ACTR3C: variants seen among roughly 807,000 people sequenced by gnomAD.
ACTR3C encodes actin-related protein 3C.
Under a neutral mutation model 26.3 loss-of-function variants are expected in ACTR3C, and 18 were observed. The observed-to-expected ratio is 0.68, with a 90% CI of 0.47 to 1.01. ACTR3C has a LOEUF of 1.01. ACTR3C is among the 50% of genes least tolerant of loss of function. The probability of loss-of-function intolerance (pLI) is 0.00; values close to 1 mark genes in which losing one functional copy is unlikely to be tolerated. For synonymous variants in ACTR3C, 55 were observed against 94.5 expected (o/e 0.58, Z 2.42); for missense variants, 184 against 250.7 (o/e 0.73, Z 1.80).
the ACTR3C span, among the ~76,000 whole-genome samples, chr7:150,103,768 G>T: frequency 6.6e-6 from 1 of 152,022 alleles, no homozygotes; most frequent in South Asian, 2.1e-4. Flanking sequence ...CATGATGCGG[G>T]TAACTCCAAA....
At chr7:150,132,003 G>A in the ACTR3C span, among the ~76,000 whole-genome samples, 1 of 152,200 alleles carries the variant, frequency 6.6e-6, no homozygotes, top group Admixed American at 6.5e-5. Context: ...ATAGTTGCGG[G>A]GAATGATAGT....
At chr7:150,142,631 C>G in the ACTR3C span, among the ~76,000 whole-genome samples, 10 of 143,676 alleles carry the variant, frequency 7.0e-5, no homozygotes, top group African/African-American at 2.3e-4. Context: ...CGGGTTCAAG[C>G]GATTCTCCTG....
chr7:149,883,957 C>G, the ACTR3C span, among the ~76,000 whole-genome samples: 1 of 151,220 alleles, frequency 6.6e-6, no homozygotes, highest in African/African-American at 2.4e-5. Context: ...CTAGCACATT[C>G]CATTCTGTAA....
chr7:150,092,089 G>T, the ACTR3C span, among the ~76,000 whole-genome samples: 2 of 145,058 alleles, frequency 1.4e-5, no homozygotes, highest in African/African-American at 5.1e-5. Flanking sequence ...TCTGCTGTGA[G>T]CTTTTCAGAG....
the ACTR3C span, chr7:150,005,099 ATAAT>A: frequency 6.6e-6 from 1 of 152,254 alleles, no homozygotes; most frequent in African/African-American, 2.4e-5. Flanking sequence ...AAGAGAGAAA[ATAAT>A]AAAGTAAATG....
chr7:150,039,127 T>G, the ACTR3C span, among the ~76,000 whole-genome samples: 40 of 149,420 alleles, frequency 2.7e-4, no homozygotes, highest in Admixed American at 1.1e-3. Flanking sequence ...GATCTTAGGA[T>G]CAACGATCGG....
chr7:149,907,102 T>C, the ACTR3C span, among the ~76,000 whole-genome samples: 8 of 15,466 alleles, frequency 5.2e-4, no homozygotes, highest in African/African-American at 2.2e-3. Flanking sequence ...GAGAGAAGCC[T>C]CAAAAACAGT....
At chr7:150,270,647 C>A (rs1184567048) in intron 6 of ACTR3C, among the ~76,000 whole-genome samples, 1 of 152,186 alleles carries the variant, frequency 6.6e-6, no homozygotes, top group Middle Eastern at 3.2e-3. Flanking sequence ...CTCAGCACAG[C>A]ACTCTAACCA....
intron 6 of ACTR3C, among the ~76,000 whole-genome samples, chr7:150,267,916 T>A (rs1834164970): frequency 6.6e-6 from 1 of 152,214 alleles, no homozygotes; most frequent in South Asian, 2.1e-4. Flanking sequence ...TCACGTTAAG[T>A]ATGTAAACTT....
At chr7:150,054,116 C>G in the ACTR3C span, among the ~76,000 whole-genome samples, 1 of 152,214 alleles carries the variant, frequency 6.6e-6, no homozygotes, top group South Asian at 2.1e-4. Flanking sequence ...GTGGGACAGT[C>G]TGAGTAGCAG....
chr7:150,264,672 C>T (rs1411592739), intron 6 of ACTR3C: 1 of 960,532 alleles, frequency 1.0e-6, no homozygotes, highest in Non-Finnish European at 1.2e-6. Flanking sequence ...TTAAGACACT[C>T]ACAGTTGCAG....
At chr7:150,254,195 A>G (rs1833046402) in intron 6 of ACTR3C, among the ~76,000 whole-genome samples, 1 of 152,074 alleles carries the variant, frequency 6.6e-6, no homozygotes, top group African/African-American at 2.4e-5. Context: ...GATACCCCAT[A>G]TTGATGAGAG....
At chr7:150,132,588 T>C in the ACTR3C span, among the ~76,000 whole-genome samples, 7 of 152,088 alleles carry the variant, frequency 4.6e-5, no homozygotes, top group Admixed American at 4.6e-4. Flanking sequence ...ACCAACTCGA[T>C]GGTTTTTTTA....
the ACTR3C span, among the ~76,000 whole-genome samples, chr7:150,126,077 C>A: frequency 2.0e-5 from 3 of 152,166 alleles, no homozygotes; most frequent in South Asian, 6.2e-4. Context: ...CAAGTGTCAA[C>A]AAACGGACCC....
chr7:150,037,927 G>T, the ACTR3C span, among the ~76,000 whole-genome samples: 115 of 130,074 alleles, frequency 8.8e-4, no homozygotes, highest in Middle Eastern at 3.8e-3. Context: ...CGCGAGGGGT[G>T]CCTCCCCCCC....
At chr7:149,907,916 C>A in the ACTR3C span, among the ~76,000 whole-genome samples, 2 of 152,098 alleles carry the variant, frequency 1.3e-5, no homozygotes, top group Non-Finnish European at 2.9e-5. Context: ...AAGACTGATT[C>A]ATCCTACAGA....
At chr7:150,246,275 A>AC (rs1832459577), downstream of ACTR3C, 1 of 152,170 alleles carries the variant, frequency 6.6e-6, no homozygotes, top group African/African-American at 2.4e-5. Context: ...TCTAAGACTA[A>AC]CCACCCAGTG....
chr7:150,123,600 CACACACACACACAA>C, the ACTR3C span, among the ~76,000 whole-genome samples: 24 of 139,230 alleles, frequency 1.7e-4, no homozygotes, highest in East Asian at 1.9e-3. Context: ...CACACACACA[CACACACACACACAA>C]ACACACACCC....
At chr7:149,987,279 A>G in the ACTR3C span, among the ~76,000 whole-genome samples, 4 of 152,220 alleles carry the variant, frequency 2.6e-5, no homozygotes, top group Non-Finnish European at 2.9e-5. Context: ...TAGAAAATTA[A>G]CAGCGGCCAG....
Sources: gnomAD v4.1 joint callset for allele counts (sites outside exome capture counted in the v4.1 genomes callset) on GRCh38, gnomAD v4.1.1 for gene constraint, MANE v1.5 for transcripts, NCBI Gene and HGNC (gene_info 2026-07-23, HGNC 2026-07-21) for gene names.